The following CASTOR2 variants were observed in gnomAD, a reference collection of about 807,000 sequenced individuals.
CASTOR2 encodes the protein GATS protein like 2.
In CASTOR2, 8 loss-of-function variants were observed where a neutral mutation model predicts 31.2. That is an observed-to-expected ratio of 0.26 (90% confidence interval 0.15 to 0.46). The LOEUF (loss-of-function observed/expected upper bound fraction) is 0.46, where lower values mean the gene tolerates loss of function less well. CASTOR2 is among the 20% of genes least tolerant of loss of function. The pLI is 0.99. For missense variants in CASTOR2, 216 were observed against 382.1 expected, an observed-to-expected ratio of 0.57 and a Z score of 3.62; for synonymous variants, 162 against 158.7, an observed-to-expected ratio of 1.02 and a Z score of -0.16.
chr7:74,994,516 C>T (rs1269122137), intron 1 of CASTOR2, among the ~76,000 whole-genome samples: 1 of 151,928 alleles, frequency 6.6e-6, no homozygotes, highest in African/African-American at 2.4e-5. Context: ...TTTGGGGGGC[C>T]GAGGCGGGTG....
intron 1 of CASTOR2, among the ~76,000 whole-genome samples, chr7:74,997,410 A>G (rs1804378282): frequency 6.7e-6 from 1 of 149,822 alleles, no homozygotes; most frequent in South Asian, 2.1e-4. Context: ...AGACCACAGG[A>G]TCGGACTGCC....
chr7:75,003,258 G>A (rs1185438714), intron 1 of CASTOR2, among the ~76,000 whole-genome samples: 2 of 152,080 alleles, frequency 1.3e-5, no homozygotes, highest in Non-Finnish European at 2.9e-5. Flanking sequence ...ACCAGTCGGG[G>A]CAACATAGTG....
chr7:75,007,836 A>G, intron 1 of CASTOR2, 158 bp from the exon 2 acceptor site: 2 of 865,452 alleles, frequency 2.3e-6, no homozygotes, highest in Admixed American at 2.0e-5. Flanking sequence ...GTAGGGGGAC[A>G]TGAAGGGAGA....
intron 7 of CASTOR2, among the ~76,000 whole-genome samples, chr7:75,023,471 T>TC (rs1805055542): frequency 1.2e-3 from 31 of 26,600 alleles, no homozygotes; most frequent in Non-Finnish European, 1.7e-3. Flanking sequence ...TTTCTTTTTG[T>TC]TTTTTGTTTT....
chr7:75,010,648 C>T lies in CASTOR2; in HGVS notation c.184+2584C>T, dbSNP rs1554439263. 2.9e-4 allele frequency among the ~76,000 whole-genome samples: 44 copies of T among 152,184 alleles called. 1 individual carries two copies. In the South Asian group the frequency reaches 8.7e-3, roughly 30 times the overall value. Reference sequence around the variant, plus strand: ...CCTGAGCCTTTCCCAGCCGCAGGTGCAGCACTGAGGAACACAGGGACCACT... The same window carrying T: ...CCTGAGCCTTTCCCAGCCGCAGGTGTAGCACTGAGGAACACAGGGACCACT... On this transcript the variant is annotated intron_variant, in intron 2 of 8. Coordinates refer to ENST00000616305, the MANE Select transcript of CASTOR2 (RefSeq NM_001145064.3).
rs1328314993 is a variant in CASTOR2 at position 74,984,279 on chromosome 7, C to T, written c.113+19181C>T. Reference sequence around the variant, plus strand: ...AAGGCAGGCAGGCAGGTATTGTCACCAAGAGACCCTGGAGATCAGGAGAGG... The same window carrying T: ...AAGGCAGGCAGGCAGGTATTGTCACTAAGAGACCCTGGAGATCAGGAGAGG... On this transcript the variant is annotated intron_variant, in intron 1 of 8. Coordinates refer to ENST00000616305, the MANE Select transcript of CASTOR2 (RefSeq NM_001145064.3). Among the ~76,000 whole-genome samples the T allele has an allele frequency of 8.5e-4, 128 of 150,148 alleles. 1 individual carries two copies. Among genetic ancestry groups the T allele is most frequent in the Non-Finnish European group, 1.1e-3 (73 of 67,570 alleles).
chr7:74,994,680 G>A (rs1223256612), intron 1 of CASTOR2, among the ~76,000 whole-genome samples: 1 of 151,950 alleles, frequency 6.6e-6, no homozygotes, highest in Non-Finnish European at 1.5e-5. Flanking sequence ...AACCTGGTAG[G>A]CAGAGGTTGC....
At chr7:74,997,918 C>T (rs1321187393) in intron 1 of CASTOR2, among the ~76,000 whole-genome samples, 1 of 152,118 alleles carries the variant, frequency 6.6e-6, no homozygotes, top group African/African-American at 2.4e-5. Context: ...TGCCATTCTT[C>T]ATGTCCTCTT....
intron 1 of CASTOR2, among the ~76,000 whole-genome samples, chr7:74,992,850 C>T (rs1804244070): frequency 1.3e-5 from 2 of 149,884 alleles, no homozygotes; most frequent in South Asian, 4.3e-4. Context: ...CTGCAGTGAG[C>T]TATGATCGCA....
chr7:75,005,029 C>G (rs1804575686), intron 1 of CASTOR2, among the ~76,000 whole-genome samples: 2 of 151,362 alleles, frequency 1.3e-5, no homozygotes, highest in African/African-American at 2.4e-5. Context: ...CCACGCCTGG[C>G]TAATTTTTGC....
chr7:74,995,352 GA>G (rs1334367213), intron 1 of CASTOR2, among the ~76,000 whole-genome samples: 2 of 151,832 alleles, frequency 1.3e-5, no homozygotes, highest in Non-Finnish European at 2.9e-5. Context: ...AGGCCAGAGA[GA>G]AGGGATCAGA....
intron 1 of CASTOR2, among the ~76,000 whole-genome samples, chr7:74,987,829 C>T (rs1804108549): frequency 6.6e-6 from 1 of 151,986 alleles, no homozygotes; most frequent in Admixed American, 6.6e-5. Flanking sequence ...CCACCTCAGC[C>T]TCCTGAGTAG....
intron 1 of CASTOR2, among the ~76,000 whole-genome samples, chr7:75,002,206 A>G (rs1420925971): frequency 0.015 from 2,318 of 151,740 alleles, 21 homozygotes; most frequent in South Asian, 0.033. Context: ...GATTACAGGT[A>G]TGAGCCACCA....
At chr7:75,009,413 G>A (rs1289315204) in intron 2 of CASTOR2, among the ~76,000 whole-genome samples, 8 of 150,612 alleles carry the variant, frequency 5.3e-5, no homozygotes, top group East Asian at 2.0e-4. Context: ...GACTACAGGC[G>A]CCCGCCACCA....
At chr7:75,021,152 C>T (rs1373026320) in intron 6 of CASTOR2, among the ~76,000 whole-genome samples, 2 of 152,128 alleles carry the variant, frequency 1.3e-5, no homozygotes, top group Non-Finnish European at 2.9e-5. Flanking sequence ...CCACCATACC[C>T]TGTTTATTTT....
rs1482653217 is a variant in CASTOR2, at chr7:75,026,192, T to TTTTGTTTTGTTTTG, written c.*1496_*1497insGTTTTGTTTTGTTT. 7.0e-6 allele frequency among the ~76,000 whole-genome samples: 1 copy of TTTTGTTTTGTTTTG among 143,828 alleles called. No homozygotes were observed. The highest frequency in any genetic ancestry group is 1.5e-5 in the Non-Finnish European group (1 of 65,218). 94.4% of individuals were successfully genotyped at this position (143,828 alleles called of 152,430 possible). A position where few individuals can be genotyped will look rare whatever the true frequency, so the allele number is the denominator to read the frequency against. ...TGTGGTTTTGGCTCTGGCGGGGGTTTTTTTTTTTTTTTTTGAGATGGGAGT... is the reference window on the plus strand; with the variant it reads ...TGTGGTTTTGGCTCTGGCGGGGGTTTTTTGTTTTGTTTTGTTTTTTTTTTTTTTGAGATGGGAGT... On this transcript the variant is annotated 3_prime_UTR_variant, in exon 9 of 9. Coordinates refer to ENST00000616305, the MANE Select transcript of CASTOR2 (RefSeq NM_001145064.3).
intron 2 of CASTOR2, among the ~76,000 whole-genome samples, chr7:75,014,855 C>A (rs1804831819): frequency 6.6e-6 from 1 of 152,212 alleles, no homozygotes; most frequent in Admixed American, 6.5e-5. Context: ...TATGTCAGCA[C>A]CCCCTCAAGG....
At chr7:75,013,761 T>C (rs1167304909) in intron 2 of CASTOR2, among the ~76,000 whole-genome samples, 2 of 152,180 alleles carry the variant, frequency 1.3e-5, no homozygotes. Context: ...TGAGTCTCGC[T>C]CTGTCACCCC....
At chr7:74,985,608 A>AAG (rs1415315389) in intron 1 of CASTOR2, among the ~76,000 whole-genome samples, 2 of 150,054 alleles carry the variant, frequency 1.3e-5, no homozygotes, top group African/African-American at 4.9e-5. Flanking sequence ...AAAAAAAAAA[A>AAG]GAATCATTGT....
Sources: gnomAD v4.1 joint callset for allele counts (sites outside exome capture counted in the v4.1 genomes callset) on GRCh38, gnomAD v4.1.1 for gene constraint, MANE v1.5 for transcripts, NCBI Gene and HGNC (gene_info 2026-07-23, HGNC 2026-07-21) for gene names.